The following CAMTA1 variants were observed in gnomAD, a reference collection of about 807,000 sequenced individuals.
CAMTA1 encodes calmodulin-binding transcription activator 1.
A neutral mutation model predicts 170.9 loss-of-function variants in CAMTA1; 27 were observed. The observed-to-expected ratio is 0.16, with a 90% CI of 0.12 to 0.22. The LOEUF is 0.22. Ranked by LOEUF, CAMTA1 falls within the 10% of genes least tolerant of loss-of-function variation. CAMTA1 has a pLI of 1.00. For synonymous variants in CAMTA1, 833 were observed against 891.5 expected, an observed-to-expected ratio of 0.93 and a Z score of 1.17; for missense variants, 1,619 against 2,217.2, an observed-to-expected ratio of 0.73 and a Z score of 5.42.
rs549925100 is a variant in CAMTA1 at position 7,343,035 on chromosome 1, C to T, written c.438+93409C>T. On this transcript the variant is annotated intron_variant, in intron 5 of 22. Coordinates refer to ENST00000303635, the MANE Select transcript of CAMTA1 (RefSeq NM_015215.4). ...CCCTCTCTCCTTTTCTCTGACCCTA[C>T]GCATGGCTAAAATATTGTCCTGTGG... Among the ~76,000 whole-genome samples the T allele has an allele frequency of 5.9e-5, 9 of 152,322 alleles. No homozygotes were observed. The South Asian group carries it at 1.2e-3, about 21-fold the overall frequency.
At chr1:7,056,478 T>A (rs1052901451) in intron 3 of CAMTA1, among the ~76,000 whole-genome samples, 11 of 152,076 alleles carry the variant, frequency 7.2e-5, no homozygotes, top group Non-Finnish European at 1.2e-4. Context: ...CTTTTTATTT[T>A]AAAAAATAAA....
intron 1 of CAMTA1, among the ~76,000 whole-genome samples, chr1:6,796,864 G>A (rs1642648881): frequency 1.3e-5 from 2 of 152,192 alleles, no homozygotes; most frequent in South Asian, 2.1e-4. Context: ...CAAGCCTGCT[G>A]TAGCTGATGA....
chr1:7,335,765 A>G (rs1262053666), intron 5 of CAMTA1, among the ~76,000 whole-genome samples: 1 of 123,046 alleles, frequency 8.1e-6, no homozygotes, highest in African/African-American at 3.0e-5. Context: ...GTGTTTATAG[A>G]TAACGTTAAA....
intron 5 of CAMTA1, among the ~76,000 whole-genome samples, chr1:7,305,394 AC>A (rs56956752): frequency 0.91 from 137,950 of 151,428 alleles, 62,985 homozygotes; most frequent in East Asian, 0.99. Flanking sequence ...AAAGCAAAAA[AC>A]CCCCCACTAA....
At chr1:7,424,398 G>A (rs985222911) in intron 5 of CAMTA1, among the ~76,000 whole-genome samples, 4 of 151,162 alleles carry the variant, frequency 2.6e-5, no homozygotes, top group African/African-American at 9.7e-5. Context: ...GCGTGTCACA[G>A]TGAGGGGCCT....
At position 7,482,989 on chromosome 1, in the gene CAMTA1, C is replaced by T. The variant is rs2093561865; in HGVS notation, c.510+15088C>T. Among the ~76,000 whole-genome samples the T allele has an allele frequency of 6.6e-6, 1 of 152,156 alleles. No homozygotes were observed. Among genetic ancestry groups the T allele is most frequent in the Non-Finnish European group, 1.5e-5 (1 of 68,024 alleles). ...GGGTGAGCCTGGAGCCAGTGCCAGC[C>T]AACTGGGGCCACCTCTACAGCCTGA... On this transcript the variant is annotated intron_variant, in intron 6 of 22. Coordinates refer to ENST00000303635, the MANE Select transcript of CAMTA1 (RefSeq NM_015215.4). The surrounding 1 kb of genome is among the most constrained non-coding windows in gnomAD (Gnocchi z 4.2).
At chr1:7,600,330 G>C (rs1360984319) in intron 6 of CAMTA1, among the ~76,000 whole-genome samples, 1 of 152,138 alleles carries the variant, frequency 6.6e-6, no homozygotes, top group Non-Finnish European at 1.5e-5. Flanking sequence ...TGTGCTGCTG[G>C]ATTCAGTTTG....
intron 3 of CAMTA1, among the ~76,000 whole-genome samples, chr1:6,914,324 G>T (rs1348446934): frequency 1.3e-5 from 2 of 152,088 alleles, no homozygotes; most frequent in Non-Finnish European, 2.9e-5. Context: ...GGCTGGTCTT[G>T]AACTCCTACC....
chr1:7,263,247 G>A (rs947919992), intron 5 of CAMTA1, among the ~76,000 whole-genome samples: 6 of 152,120 alleles, frequency 3.9e-5, no homozygotes, highest in Non-Finnish European at 8.8e-5. Flanking sequence ...AAGGGGAAAT[G>A]GAAATAAATG....
chr1:6,881,065 G>A (rs1456304302), intron 3 of CAMTA1, among the ~76,000 whole-genome samples: 2 of 152,180 alleles, frequency 1.3e-5, no homozygotes, highest in Non-Finnish European at 2.9e-5. Context: ...AGGAAACCGA[G>A]ATACAGAGAA....
intron 5 of CAMTA1, among the ~76,000 whole-genome samples, chr1:7,448,087 G>A (rs561152548): frequency 4.9e-4 from 74 of 152,290 alleles, no homozygotes; most frequent in African/African-American, 1.7e-3. Flanking sequence ...CATTCCAAAC[G>A]CATGTGTTTG....
rs774670433 is a variant in CAMTA1 at position 6,799,944 on chromosome 1, G to C, written c.45+14369G>C. ...TGCTTTCCTGATATTCAGCTATTCT[G>C]TATAACTGTATCTTTTCCTTTTGAG... On this transcript the variant is annotated intron_variant, in intron 1 of 22. Transcript: ENST00000303635. Among the ~76,000 whole-genome samples, 85 of 152,090 alleles carry C rather than the reference G, an allele frequency of 5.6e-4. 1 individual carries two copies. The highest frequency in any genetic ancestry group is 2.2e-4 in the Non-Finnish European group (15 of 68,032).
chr1:7,162,052 C>G (rs966315196), intron 4 of CAMTA1, among the ~76,000 whole-genome samples: 9 of 152,306 alleles, frequency 5.9e-5, no homozygotes, highest in African/African-American at 2.2e-4. Context: ...GAGGGAAGGA[C>G]AGCCCTGGCA....
Position 7,456,863 on chromosome 1 carries a change from C to T in CAMTA1, c.439-10967C>T, listed in dbSNP as rs1326362146. 6.6e-6 allele frequency among the ~76,000 whole-genome samples: 1 copy of T among 152,176 alleles called. No individual in the cohort carries two copies. The highest frequency in any genetic ancestry group is 1.5e-5 in the Non-Finnish European group (1 of 68,028). On this transcript the variant is annotated intron_variant, in intron 5 of 22. Coordinates refer to ENST00000303635, the MANE Select transcript of CAMTA1 (RefSeq NM_015215.4). This position sits in a 1 kb window ranked among gnomAD's most constrained non-coding sequence, Gnocchi z 4.9. ...AGGTGAGAGTGGCCAGGTTCCTGGA[C>T]GTGACCCTAAGCAGCAGGCGCTAGA... is the stretch of plus-strand genomic sequence containing the variant.
At chr1:7,412,824 C>T (rs2090885700) in intron 5 of CAMTA1, among the ~76,000 whole-genome samples, 1 of 152,120 alleles carries the variant, frequency 6.6e-6, no homozygotes, top group Non-Finnish European at 1.5e-5. Flanking sequence ...ACATGAAGTC[C>T]TTGCCCATGC....
Position 7,670,166 on chromosome 1 carries a change from G to A in CAMTA1, c.2653-745G>A, listed in dbSNP as rs2149215193. Among the ~76,000 whole-genome samples the A allele has an allele frequency of 3.3e-5, 5 of 152,316 alleles. 1 individual carries two copies. In the Middle Eastern group the frequency reaches 0.017, roughly 518 times the overall value. On this transcript the variant is annotated intron_variant, in intron 9 of 22. Coordinates refer to ENST00000303635, the MANE Select transcript of CAMTA1 (RefSeq NM_015215.4). ...GTCACTGCTTGCTTGTGGGACCCCA[G>A]GCTAGCTGTGTAGGCAGTGACACAG...
At chr1:7,324,591 C>T (rs1210488221) in intron 5 of CAMTA1, among the ~76,000 whole-genome samples, 1 of 151,450 alleles carries the variant, frequency 6.6e-6, no homozygotes, top group East Asian at 1.9e-4. Context: ...TTCCCTTTTC[C>T]ATTTTAAAAT....
chr1:7,167,739 T>G (rs1648770503), intron 4 of CAMTA1, among the ~76,000 whole-genome samples: 1 of 152,046 alleles, frequency 6.6e-6, no homozygotes, highest in South Asian at 2.1e-4. Context: ...TTAAATTAAT[T>G]GGTTAATTAA....
In CAMTA1 at chr1:6,895,567, C is replaced by T. The variant is rs115752260; in HGVS notation, c.234+70357C>T. Among the ~76,000 whole-genome samples, 558 of 152,360 alleles carry T rather than the reference C, an allele frequency of 3.7e-3. 5 individuals are homozygous for T. Among genetic ancestry groups the T allele is most frequent in the African/African-American group, 0.012 (517 of 41,582 alleles). On this transcript the variant is annotated intron_variant, in intron 3 of 22. Coordinates refer to ENST00000303635, the MANE Select transcript of CAMTA1 (RefSeq NM_015215.4). ...AGTGACTTTCTATCCATTTGGAGTC[C>T]GGTCAGCATGAATAATCTGGCCTCT...
Sources: gnomAD v4.1 joint callset for allele counts (sites outside exome capture counted in the v4.1 genomes callset) on GRCh38, gnomAD v4.1.1 for gene constraint, Gnocchi (gnomAD v3.1) non-coding constraint, MANE v1.5 for transcripts, NCBI Gene and HGNC (gene_info 2026-07-23, HGNC 2026-07-21) for gene names.